FNTB: variants seen among roughly 807,000 people sequenced by gnomAD.
The protein encoded by FNTB is farnesyltransferase, CAAX box, subunit beta.
A neutral mutation model predicts 59.4 loss-of-function variants in FNTB; 27 were observed. The ratio of observed to expected loss-of-function variants is 0.45; its 90% CI spans 0.34 to 0.63. FNTB has a LOEUF of 0.63. Among genes scored for constraint, FNTB ranks in the 20% least tolerant of loss-of-function variants. The pLI is 0.02. For synonymous variants in FNTB, 230 were observed against 220.7 expected, an observed-to-expected ratio of 1.04 and a Z score of -0.37; for missense variants, 449 against 559.6, an observed-to-expected ratio of 0.80 and a Z score of 1.99.
chr14:65,035,004 C>T (rs949565360), intron 7 of FNTB, among the ~76,000 whole-genome samples: 2 of 152,236 alleles, frequency 1.3e-5, no homozygotes, highest in Non-Finnish European at 2.9e-5. Flanking sequence ...GCTCAGAGCT[C>T]AGTTCTTGCT....
chr14:65,022,284 GT>G (rs34044534), intron 4 of FNTB, among the ~76,000 whole-genome samples: 4,239 of 143,974 alleles, frequency 0.029, 134 homozygotes, highest in East Asian at 0.086. Flanking sequence ...CTTTTTTTCT[GT>G]TTTTTTTTTT....
chr14:65,060,085 G>A (rs1043798432), intron 11 of FNTB, among the ~76,000 whole-genome samples: 6 of 151,072 alleles, frequency 4.0e-5, no homozygotes, highest in Non-Finnish European at 7.4e-5. Context: ...CATCCACCTC[G>A]GCCTCCCAAA....
At position 65,054,723 on chromosome 14, in the gene FNTB, C is replaced by G; in HGVS notation, c.1182+34C>G. ...GGTGCAGGGCTTCACACCCCTTCTC[C>G]ACAGGGACCTCGCGGACAGAAGGCT... On this transcript the variant is annotated intron_variant, in intron 11 of 11. Coordinates refer to ENST00000246166, the MANE Select transcript of FNTB (RefSeq NM_002028.4). This position sits in a 1 kb window ranked among gnomAD's most constrained non-coding sequence, Gnocchi z 4.4. The G allele has an allele frequency of 6.4e-7, 1 of 1,574,748 alleles. No individual in the cohort carries two copies. The highest frequency in any genetic ancestry group is 8.6e-7 in the Non-Finnish European group (1 of 1,158,046).
chr14:65,053,411 C>T, intron 10 of FNTB, 62 bp downstream of exon 10: 1 of 1,250,710 alleles, frequency 8.0e-7, no homozygotes, highest in Non-Finnish European at 1.0e-6. Flanking sequence ...GGGCGTGCAC[C>T]TCAGGCCTAC....
chr14:64,987,264 C>T (rs1015140587), intron 1 of FNTB, 167 bp downstream of exon 1: 13 of 777,616 alleles, frequency 1.7e-5, no homozygotes, highest in Non-Finnish European at 2.4e-5. Flanking sequence ...TGGGCTTCGT[C>T]GTGGAGCGTT....
Position 65,027,360 on chromosome 14 carries a change from G to T in FNTB, c.375-93G>T. 6.4e-7 allele frequency: 1 copy of T among 1,560,126 alleles called. No individual in the cohort carries two copies. The highest frequency in any genetic ancestry group is 8.7e-7 in the Non-Finnish European group (1 of 1,152,816). On this transcript the variant is annotated intron_variant, in intron 4 of 11. Transcript: ENST00000246166. This position sits in a 1 kb window ranked among gnomAD's most constrained non-coding sequence, Gnocchi z 5.7. ...TCCCCTCAACTTTTGAGGGAGTGGG[G>T]GATCATTGGAAAGGCCTGGAATCTA...
rs1454111660 is a variant in FNTB at position 65,004,748 on chromosome 14, C to T, written c.209+435C>T. Among the ~76,000 whole-genome samples, 4 of 151,896 alleles carry T rather than the reference C, an allele frequency of 2.6e-5. No individual in the cohort carries two copies. In the East Asian group the frequency reaches 7.7e-4, roughly 29 times the overall value. ...CACAATCTCGGCTCTCTGGAACCTT[C>T]GCCTCATAGGTTCAAGTGATTCTCC... On this transcript the variant is annotated intron_variant, in intron 2 of 11. Transcript: ENST00000246166.
chr14:65,046,733 T>C (rs1160013231), intron 9 of FNTB, among the ~76,000 whole-genome samples: 2 of 152,102 alleles, frequency 1.3e-5, no homozygotes, highest in Non-Finnish European at 2.9e-5. Flanking sequence ...TGTAGAAAGA[T>C]AGTCACAATA....
At chr14:65,043,694 C>T (rs533708060) in intron 8 of FNTB, among the ~76,000 whole-genome samples, 10 of 151,312 alleles carry the variant, frequency 6.6e-5, no homozygotes, top group South Asian at 2.1e-4. Context: ...CGGTGGCGGG[C>T]GCCTGTGGTC....
intron 7 of FNTB, among the ~76,000 whole-genome samples, chr14:65,033,219 G>A (rs2062120162): frequency 6.6e-6 from 1 of 152,154 alleles, no homozygotes; most frequent in African/African-American, 2.4e-5. Context: ...TCTATGTTGA[G>A]TTGAAAGAAT....
In FNTB at chr14:65,011,264, A is replaced by T. The variant is rs1375699190; in HGVS notation, c.210-1053A>T. Among the ~76,000 whole-genome samples, 1 of 152,084 alleles carries T rather than the reference A, an allele frequency of 6.6e-6. No individual in the cohort carries two copies. On this transcript the variant is annotated intron_variant, in intron 2 of 11. Coordinates refer to ENST00000246166, the MANE Select transcript of FNTB (RefSeq NM_002028.4). The surrounding 1 kb of genome is among the most constrained non-coding windows in gnomAD (Gnocchi z 4.0). ...GCAACATGGTGAAACCCCCGTCTCC[A>T]CTAAAAATACAAAAATTAGCTGGGT...
At chr14:64,989,044 A>G (rs564216908) in intron 1 of FNTB, among the ~76,000 whole-genome samples, 3 of 152,310 alleles carry the variant, frequency 2.0e-5, no homozygotes, top group Non-Finnish European at 2.9e-5. Context: ...TGATACATTC[A>G]TCAAAAGTAA....
At position 65,042,936 on chromosome 14, in the gene FNTB, G is replaced by C. The variant is rs562103298; in HGVS notation, c.823-1375G>C. On this transcript the variant is annotated intron_variant, in intron 8 of 11. Coordinates refer to ENST00000246166, the MANE Select transcript of FNTB (RefSeq NM_002028.4). The stretch of plus-strand genomic sequence containing the variant: ...CTGAACCTGCAGTACAGTGTTTTCT[G>C]TCTCTTTTAAGCATTTGTGACTGTG... Among the ~76,000 whole-genome samples, 5 of 152,292 alleles carry C rather than the reference G, an allele frequency of 3.3e-5. No homozygotes were observed. In the South Asian group the frequency reaches 1.0e-3, roughly 32 times the overall value.
intron 9 of FNTB, among the ~76,000 whole-genome samples, chr14:65,045,468 T>G: frequency 8.1e-6 from 1 of 123,274 alleles, no homozygotes; most frequent in Non-Finnish European, 1.6e-5. Flanking sequence ...CAGGCTGGAG[T>G]GCAGTGGCAC....
intron 2 of FNTB, among the ~76,000 whole-genome samples, chr14:65,010,211 A>G (rs191872399): frequency 5.3e-5 from 8 of 152,256 alleles, no homozygotes; most frequent in Admixed American, 1.3e-4. Flanking sequence ...CTTCCCTAGC[A>G]TATGTAAACT....
At position 65,019,758 on chromosome 14, in the gene FNTB, G is replaced by A. The variant is rs3783719; in HGVS notation, c.374+4042G>A. Among the ~76,000 whole-genome samples, 976 of 152,272 alleles carry A rather than the reference G, an allele frequency of 6.4e-3. 17 individuals are homozygous for A. The highest frequency in any genetic ancestry group is 0.044 in the South Asian group (210 of 4,820). On this transcript the variant is annotated intron_variant, in intron 4 of 11. Transcript: ENST00000246166. ...ATGTATTTTGCTTTGTGCCTAGGAG[G>A]TGGTTACTTCTAGGTGCAGAAAACA...
At chr14:64,995,813 T>C (rs1193183895) in intron 1 of FNTB, among the ~76,000 whole-genome samples, 1 of 151,410 alleles carries the variant, frequency 6.6e-6, no homozygotes, top group East Asian at 1.9e-4. Flanking sequence ...ACCAGCAAAC[T>C]TGAAAACATT....
intron 10 of FNTB, 96 bp downstream of exon 10, chr14:65,053,445 A>G: frequency 9.3e-7 from 1 of 1,079,488 alleles, no homozygotes; most frequent in African/African-American, 1.6e-5. Flanking sequence ...TCAAGAGCAG[A>G]GGTGTCACCT....
intron 7 of FNTB, among the ~76,000 whole-genome samples, chr14:65,033,267 A>C (rs2062121315): frequency 1.3e-5 from 2 of 152,252 alleles, no homozygotes; most frequent in Admixed American, 1.3e-4. Context: ...ACAGATTAGC[A>C]CATTTACTTA....
Sources: allele counts gnomAD v4.1 joint callset (sites outside exome capture counted in the v4.1 genomes callset), GRCh38; gene constraint gnomAD v4.1.1; non-coding constraint Gnocchi (gnomAD v3.1); transcripts MANE v1.5; gene names NCBI Gene and HGNC (gene_info 2026-07-23, HGNC 2026-07-21).